HABP2: variants seen among roughly 807,000 people sequenced by gnomAD.
HABP2 encodes the protein hyaluronan binding protein 2, also known as factor VII-activating protease.
In HABP2, 65 loss-of-function variants were observed where a neutral mutation model predicts 66.5. The observed-to-expected ratio is 0.98, with a 90% CI of 0.80 to 1.20. HABP2 has a LOEUF of 1.20. Ranked by LOEUF, HABP2 falls within the 50% of genes most tolerant of loss-of-function variation. The pLI is 0.00. For synonymous variants in HABP2, 263 were observed against 253.9 expected, an observed-to-expected ratio of 1.04 and a Z score of -0.34; for missense variants, 786 against 691.0, an observed-to-expected ratio of 1.14 and a Z score of -1.54.
chr10:113,563,198 T>A (rs1381535558), intron 1 of HABP2, among the ~76,000 whole-genome samples: 2 of 152,190 alleles, frequency 1.3e-5, no homozygotes, highest in African/African-American at 4.8e-5. Flanking sequence ...CCATCGATCT[T>A]TCTCTTTGAA....
chr10:113,576,181 A>C (rs1281489341), intron 4 of HABP2, among the ~76,000 whole-genome samples, 177 bp downstream of exon 4: 1 of 152,212 alleles, frequency 6.6e-6, no homozygotes, highest in East Asian at 1.9e-4. Context: ...TCACCCCTGC[A>C]CTGTGAGATG....
rs528485534 is a variant in HABP2 at position 113,589,538 on chromosome 10, G to A, written c.*1169G>A. 11 of 1,142,554 alleles carry A rather than the reference G, an allele frequency of 9.6e-6. No individual in the cohort carries two copies. The African/African-American group carries it at 1.4e-4, about 14-fold the overall frequency. 70.8% of individuals were successfully genotyped at this position (1,142,554 alleles called of 1,614,324 possible). Reference sequence around the variant, plus strand: ...ACCCATGAAATTAGGCGCCTTGTTTGAGCTGCGTTTCACACTTCTTTAGAG... The same window carrying A: ...ACCCATGAAATTAGGCGCCTTGTTTAAGCTGCGTTTCACACTTCTTTAGAG... On this transcript the variant is annotated 3_prime_UTR_variant, in exon 13 of 13. Transcript: ENST00000351270.
Position 113,589,221 on chromosome 10 carries a change from C to G in HABP2, c.*852C>G. On this transcript the variant is annotated 3_prime_UTR_variant, in exon 13 of 13. Transcript: ENST00000351270. Reference sequence around the variant, plus strand: ...CTTTCCTTTTCCCCTCTTCTACCCTCCCCAAGAAAAAGGGCCTTCAAGGCA... The same window carrying G: ...CTTTCCTTTTCCCCTCTTCTACCCTGCCCAAGAAAAAGGGCCTTCAAGGCA... 1.5e-6 allele frequency: 1 copy of G among 647,706 alleles called. No individual in the cohort carries two copies. Among genetic ancestry groups the G allele is most frequent in the Non-Finnish European group, 2.6e-6 (1 of 384,068 alleles). The allele number at this position is 647,706 out of a possible 1,614,324, so 40.1% of individuals were successfully genotyped here. A position where few individuals can be genotyped will look rare whatever the true frequency, so the allele number is the denominator to read the frequency against.
intron 12 of HABP2, among the ~76,000 whole-genome samples, chr10:113,587,336 A>G: frequency 8.1e-6 from 1 of 123,434 alleles, no homozygotes; most frequent in East Asian, 2.3e-4. Flanking sequence ...AAAACAAACA[A>G]ACAAAAAAAA....
rs752293164 is a variant in HABP2, at chr10:113,582,099, C to A, written c.1062C>A (p.Pro354=). ...GHFCGGALIH[P]CWVLTAAHCT... ...TCTGTGGTGGGGCGCTGATCCACCCCTGCTGGGTGCTCACTGCTGCCCACT... is the reference window on the plus strand; with the variant it reads ...TCTGTGGTGGGGCGCTGATCCACCCATGCTGGGTGCTCACTGCTGCCCACT... The change falls in exon 9 of 13, where the codon CCC becomes CCA. Residue 354 remains proline (P), a synonymous_variant. Transcript: ENST00000351270. 3 of 1,609,852 alleles carry A rather than the reference C, an allele frequency of 1.9e-6. No homozygotes were observed. The highest frequency in any genetic ancestry group is 2.5e-6 in the Non-Finnish European group (3 of 1,179,872).
intron 3 of HABP2, among the ~76,000 whole-genome samples, chr10:113,575,155 A>T (rs773364745): frequency 6.6e-6 from 1 of 152,226 alleles, no homozygotes; most frequent in Non-Finnish European, 1.5e-5. Context: ...CAGGGCCAAG[A>T]TACAGGGCAT....
At chr10:113,584,047 G>T (rs368705609) in intron 10 of HABP2, 101 bp from the exon 11 acceptor site, 2 of 943,534 alleles carry the variant, frequency 2.1e-6, no homozygotes, top group Admixed American at 2.0e-5. Flanking sequence ...GTGGGGGCAG[G>T]TGGGGCTTTG....
intron 2 of HABP2, among the ~76,000 whole-genome samples, chr10:113,571,610 G>T (rs1845313392): frequency 6.6e-6 from 1 of 152,144 alleles, no homozygotes; most frequent in South Asian, 2.1e-4. Flanking sequence ...GGTGCAGGGA[G>T]GGGTGGAGAA....
chr10:113,566,947 A>G (rs995650509), intron 1 of HABP2, among the ~76,000 whole-genome samples: 14 of 152,184 alleles, frequency 9.2e-5, no homozygotes. Context: ...AAGAACAACG[A>G]GAAGCCACTG....
chr10:113,556,588 G>A (rs1368362480), intron 1 of HABP2, among the ~76,000 whole-genome samples: 3 of 151,982 alleles, frequency 2.0e-5, no homozygotes, highest in African/African-American at 7.2e-5. Flanking sequence ...GGTGGTACAT[G>A]TCTGTAGTCT....
In HABP2 at chr10:113,588,339, A is replaced by G; in HGVS notation, c.1653A>G (p.Lys551=). 1 of 1,613,564 alleles carries G rather than the reference A, an allele frequency of 6.2e-7. No individual in the cohort carries two copies. The highest frequency in any genetic ancestry group is 8.5e-7 in the Non-Finnish European group (1 of 1,179,716). ...TQVTKFLNWI[K]ATIKSESGF Reference sequence around the variant, plus strand: ...TTACCAAATTCCTGAATTGGATCAAAGCCACCATCAAAAGTGAAAGTGGCT... The same window carrying G: ...TTACCAAATTCCTGAATTGGATCAAGGCCACCATCAAAAGTGAAAGTGGCT... Residue 551 remains lysine, a synonymous_variant, in exon 13 of 13, where the codon AAA becomes AAG. Transcript: ENST00000351270.
chr10:113,583,342 T>G lies in HABP2; in HGVS notation c.1221T>G (p.Ile407Met). ...GCCACTACAATGAAAGAGATGAGAT[T>G]CCCCACAATGATATTGGCAAGTTCC... ...KYSHYNERDEIPHNDIALLKL... is the reference protein window; with the variant it reads ...KYSHYNERDEMPHNDIALLKL... The change falls in exon 10 of 13, where the codon ATT (isoleucine) becomes ATG (methionine). Residue 407 changes from isoleucine to methionine, a missense_variant. Ile to Met is a conservative substitution (Grantham distance 10, BLOSUM62 1). Coordinates refer to ENST00000351270, the MANE Select transcript of HABP2 (RefSeq NM_004132.5). 6.2e-7 allele frequency: 1 copy of G among 1,612,328 alleles called. No individual in the cohort carries two copies. The highest frequency in any genetic ancestry group is 8.5e-7 in the Non-Finnish European group (1 of 1,178,330).
At chr10:113,582,486 T>A (rs1014912017) in intron 9 of HABP2, among the ~76,000 whole-genome samples, 1 of 152,208 alleles carries the variant, frequency 6.6e-6, no homozygotes, top group Admixed American at 6.5e-5. Flanking sequence ...AAGAGTTTAT[T>A]GTTATTCCCT....
Position 113,585,877 on chromosome 10 carries a change from T to G in HABP2, c.1457T>G (p.Met486Arg), listed in dbSNP as rs560201313. The G allele has an allele frequency of 1.9e-6, 3 of 1,613,856 alleles. No homozygotes were observed. In the African/African-American group the frequency reaches 4.0e-5, roughly 22 times the overall value. Residue 486 changes from methionine to arginine, a missense_variant, in exon 12 of 13, where the codon ATG (methionine) becomes AGG (arginine). Met to Arg is a moderately conservative substitution (Grantham distance 91). Transcript: ENST00000351270. The part of the protein sequence containing the change: ...LCNSRQLYDH[M>R]IDDSMICAGN... ...AACTCCCGCCAACTCTATGACCACA[T>G]GATTGATGACAGTATGATCTGTGCA...
chr10:113,586,800 A>G (rs1241320136), intron 12 of HABP2, among the ~76,000 whole-genome samples: 1 of 151,554 alleles, frequency 6.6e-6, no homozygotes, highest in Non-Finnish European at 1.5e-5. Flanking sequence ...TCAAATCCCA[A>G]CTCCTTCAGG....
At chr10:113,581,184 C>T (rs1845522400) in intron 8 of HABP2, among the ~76,000 whole-genome samples, 1 of 152,176 alleles carries the variant, frequency 6.6e-6, no homozygotes, top group Non-Finnish European at 1.5e-5. Context: ...ACATATGTGC[C>T]TTTGATCTTA....
At chr10:113,587,370 T>C (rs541045294) in intron 12 of HABP2, among the ~76,000 whole-genome samples, 1 of 152,238 alleles carries the variant, frequency 6.6e-6, no homozygotes, top group East Asian at 1.9e-4. Flanking sequence ...CCCTAGATAA[T>C]TGAAGGCTTT....
chr10:113,569,097 T>C (rs1845254924), intron 2 of HABP2, among the ~76,000 whole-genome samples: 1 of 152,150 alleles, frequency 6.6e-6, no homozygotes, highest in Admixed American at 6.5e-5. Context: ...ACTATCAGAG[T>C]TGTTCAAAAA....
At position 113,553,107 on chromosome 10, in the gene HABP2, C is replaced by G; in HGVS notation, c.-15C>G. 1 of 1,608,306 alleles carries G rather than the reference C, an allele frequency of 6.2e-7. No individual in the cohort carries two copies. Among genetic ancestry groups the G allele is most frequent in the Non-Finnish European group, 8.5e-7 (1 of 1,174,746 alleles). On this transcript the variant is annotated 5_prime_UTR_variant, in exon 1 of 13. Coordinates refer to ENST00000351270, the MANE Select transcript of HABP2 (RefSeq NM_004132.5). ...ATTTTATTGAGAGGAAAACACAAGTCCTTAAACTGCAAAGATGTTTGCCAG... is the reference window on the plus strand; with the variant it reads ...ATTTTATTGAGAGGAAAACACAAGTGCTTAAACTGCAAAGATGTTTGCCAG...
Sources: allele counts gnomAD v4.1 joint callset (sites outside exome capture counted in the v4.1 genomes callset), GRCh38; gene constraint gnomAD v4.1.1; transcripts MANE v1.5; gene names NCBI Gene and HGNC (gene_info 2026-07-23, HGNC 2026-07-21).